The following PFKM variants were observed in gnomAD, a reference collection of about 807,000 sequenced individuals.
PFKM encodes phosphofructokinase, muscle, also known as ATP-dependent 6-phosphofructokinase, muscle type.
PFKM carries 58 observed loss-of-function variants against 95.5 expected under a neutral mutation model. The ratio of observed to expected loss-of-function variants is 0.61; its 90% CI spans 0.49 to 0.76. The LOEUF is 0.76. Among genes scored for constraint, PFKM ranks in the 30% least tolerant of loss-of-function variants. PFKM has a pLI of 0.00. For synonymous variants in PFKM, 336 were observed against 357.2 expected (o/e 0.94, Z 0.67); for missense variants, 678 against 1,005.4 (o/e 0.67, Z 4.40).
At chr12:48,128,496 T>C (rs1949085910) in intron 2 of PFKM, among the ~76,000 whole-genome samples, 1 of 152,198 alleles carries the variant, frequency 6.6e-6, no homozygotes, top group African/African-American at 2.4e-5. Flanking sequence ...ATTCCCAGAC[T>C]CTGTGGTGGT....
At chr12:48,110,287 G>C (rs1947066184) in intron 3 of PFKM, among the ~76,000 whole-genome samples, 1 of 152,222 alleles carries the variant, frequency 6.6e-6, no homozygotes, top group Non-Finnish European at 1.5e-5. Context: ...GAACTGTACA[G>C]GTGGTGTAAG....
intron 3 of PFKM, among the ~76,000 whole-genome samples, chr12:48,110,908 G>A (rs1947125745): frequency 6.6e-6 from 1 of 152,180 alleles, no homozygotes. Context: ...CATAGCAAGG[G>A]TGTGAGTCAT....
upstream of PFKM, among the ~76,000 whole-genome samples, chr12:48,115,804 T>C (rs1367919134): frequency 1.3e-5 from 2 of 152,234 alleles, no homozygotes. Context: ...TTTTGTCATA[T>C]TTATATGACA....
chr12:48,114,978 G>A (rs986232475), upstream of PFKM, among the ~76,000 whole-genome samples: 7 of 152,152 alleles, frequency 4.6e-5, no homozygotes, highest in Admixed American at 4.6e-4. Context: ...AGGGTGGAAG[G>A]TTGCCCATAG....
At chr12:48,116,577 C>G (rs766388970), upstream of PFKM, among the ~76,000 whole-genome samples, 8 of 152,188 alleles carry the variant, frequency 5.3e-5, no homozygotes, top group Non-Finnish European at 1.0e-4. Flanking sequence ...CTCCCAGGCT[C>G]AAGTCATTCT....
upstream of PFKM, among the ~76,000 whole-genome samples, chr12:48,114,949 G>C (rs1476525550): frequency 6.6e-6 from 1 of 152,148 alleles, no homozygotes; most frequent in Non-Finnish European, 1.5e-5. Context: ...ACAGGCTAAG[G>C]CAGAAGAAGG....
intron 2 of PFKM, among the ~76,000 whole-genome samples, chr12:48,123,479 C>T (rs534746560): frequency 2.6e-5 from 4 of 151,840 alleles, no homozygotes; most frequent in Admixed American, 6.6e-5. Flanking sequence ...CTGGGAGTCA[C>T]GAAAATTAGG....
chr12:48,135,382 T>C lies in PFKM; in HGVS notation c.935T>C (p.Leu312Pro), dbSNP rs1251670627. ...ACGCCATCAGCCTTTGACAGAATTC[T>C]GGTAAGTCACTGGGCTGTGTGGCCC... Reference protein sequence around the residue: ...GGTPSAFDRILGSRMGVEAVM... With the variant: ...GGTPSAFDRIPGSRMGVEAVM... Residue 312 changes from leucine (L) to proline (P), a missense_variant and splice_region_variant, in exon 10 of 23, where the codon CTG (leucine) becomes CCG (proline). By Grantham distance (98) the Leu-to-Pro change is moderately conservative (BLOSUM62 -3). Coordinates refer to ENST00000359794, the MANE Select transcript of PFKM (RefSeq NM_000289.6). 4 of 1,610,542 alleles carry C rather than the reference T, an allele frequency of 2.5e-6. No individual in the cohort carries two copies. In the African/African-American group the frequency reaches 5.3e-5, roughly 22 times the overall value.
At chr12:48,141,520 G>T in intron 15 of PFKM, 139 bp downstream of exon 15, 1 of 809,872 alleles carries the variant, frequency 1.2e-6, no homozygotes, top group Non-Finnish European at 2.1e-6. Flanking sequence ...GCTGCCATGA[G>T]GGCAGACATG....
chr12:48,145,347 T>C lies in PFKM; in HGVS notation c.2198+32T>C, dbSNP rs751643925. The C allele has an allele frequency of 3.8e-6, 6 of 1,562,286 alleles. No individual in the cohort carries two copies. The Admixed American group carries it at 1.0e-4, about 26-fold the overall frequency. On this transcript the variant is annotated intron_variant, in intron 22 of 22. Transcript: ENST00000359794. This position sits in a 1 kb window ranked among gnomAD's most constrained non-coding sequence, Gnocchi z 4.3. ...ACATCTGCTTCCTGGAGTGGTTCTT[T>C]TCCCTGGTAGTTTCAAGCTCTACTG...
At chr12:48,110,546 A>G (rs1164214595) in intron 3 of PFKM, among the ~76,000 whole-genome samples, 1 of 152,138 alleles carries the variant, frequency 6.6e-6, no homozygotes, top group East Asian at 1.9e-4. Flanking sequence ...CATGTCGTCA[A>G]ACAACAGAGA....
chr12:48,114,080 T>A (rs74086984), intron 3 of PFKM, among the ~76,000 whole-genome samples: 3,575 of 152,254 alleles, frequency 0.023, 146 homozygotes, highest in African/African-American at 0.079. Context: ...GGCCGGATAG[T>A]TCCATTGGGG....
intron 4 of PFKM, among the ~76,000 whole-genome samples, chr12:48,132,573 A>G (rs1949620321): frequency 6.6e-6 from 1 of 152,240 alleles, no homozygotes; most frequent in African/African-American, 2.4e-5. Flanking sequence ...TGAGAAGCCA[A>G]CATACATGTA....
chr12:48,139,941 CT>C, intron 13 of PFKM, 29 bp downstream of exon 13: 1 of 1,462,126 alleles, frequency 6.8e-7, no homozygotes, highest in Non-Finnish European at 9.6e-7. Context: ...GCCCTCTCCC[CT>C]TTTCCTTCTC....
At chr12:48,132,810 G>T (rs1339727631) in intron 4 of PFKM, 58 bp from the exon 5 acceptor site, 3 of 1,410,302 alleles carry the variant, frequency 2.1e-6, no homozygotes, top group African/African-American at 2.8e-5. Context: ...TTGGAATAGG[G>T]GATATCTCAG....
At chr12:48,128,237 G>T (rs1949052774) in intron 2 of PFKM, among the ~76,000 whole-genome samples, 1 of 151,394 alleles carries the variant, frequency 6.6e-6, no homozygotes, top group African/African-American at 2.4e-5. Context: ...GATACTCTTT[G>T]TCCCTGTTTC....
rs539416196 is a variant in PFKM, at chr12:48,123,602, T to G, written c.85+743T>G. 1.8e-3 allele frequency among the ~76,000 whole-genome samples: 280 copies of G among 152,306 alleles called. 1 individual carries two copies. Among genetic ancestry groups the G allele is most frequent in the Non-Finnish European group, 3.0e-3 (203 of 68,022 alleles). Reference sequence around the variant, plus strand: ...ACATTGAAAAGAGGTAGAATTTCTTTGAAAAGGATACATGACATGGAGACA... The same window carrying G: ...ACATTGAAAAGAGGTAGAATTTCTTGGAAAAGGATACATGACATGGAGACA... On this transcript the variant is annotated intron_variant, in intron 2 of 22. Transcript: ENST00000359794.
intron 2 of PFKM, among the ~76,000 whole-genome samples, chr12:48,127,380 T>C (rs1266374051): frequency 6.6e-6 from 1 of 152,200 alleles, no homozygotes; most frequent in Non-Finnish European, 1.5e-5. Context: ...TCAAACAGCA[T>C]ATCCAAATAT....
Position 48,140,757 on chromosome 12 carries a change from G to T in PFKM, c.1227G>T (p.Gly409=). 6.2e-7 allele frequency: 1 copy of T among 1,614,182 alleles called. No individual in the cohort carries two copies. The highest frequency in any genetic ancestry group is 1.1e-5 in the South Asian group (1 of 91,084). ...GSHTVAVMNV[G]APAAGMNAAV... ...ACACAGTGGCTGTGATGAACGTGGG[G>T]GCTCCGGCTGCAGGCATGAATGCTG... The change falls in exon 14 of 23, where the codon GGG becomes GGT. Residue 409 remains glycine, a synonymous_variant. Coordinates refer to ENST00000359794, the MANE Select transcript of PFKM (RefSeq NM_000289.6).
Sources: allele counts gnomAD v4.1 joint callset (sites outside exome capture counted in the v4.1 genomes callset), GRCh38; gene constraint gnomAD v4.1.1; non-coding constraint Gnocchi (gnomAD v3.1); transcripts MANE v1.5; gene names NCBI Gene and HGNC (gene_info 2026-07-23, HGNC 2026-07-21).